PLCB4: variants seen among roughly 807,000 people sequenced by gnomAD.
PLCB4 encodes the protein phospholipase C beta 4, also known as 1-phosphatidylinositol 4,5-bisphosphate phosphodiesterase beta-4.
Under a neutral mutation model 178.8 loss-of-function variants are expected in PLCB4, and 77 were observed. The observed-to-expected ratio is 0.43, with a 90% CI of 0.36 to 0.52. The LOEUF is 0.52. Ranked by LOEUF, PLCB4 falls within the 20% of genes least tolerant of loss-of-function variation. The pLI is 0.00. For missense variants in PLCB4, 1,024 were observed against 1,453.4 expected (o/e 0.70, Z 4.80); for synonymous variants, 496 against 490.8 (o/e 1.01, Z -0.14).
At chr20:9,414,572 A>G (rs1054277606) in intron 25 of PLCB4, among the ~76,000 whole-genome samples, 1 of 152,208 alleles carries the variant, frequency 6.6e-6, no homozygotes, top group Non-Finnish European at 1.5e-5. Flanking sequence ...CCTGTTTTAT[A>G]TAGAACATCA....
chr20:9,268,664 G>A (rs1225517162), intron 3 of PLCB4, among the ~76,000 whole-genome samples: 1 of 152,112 alleles, frequency 6.6e-6, no homozygotes, highest in Non-Finnish European at 1.5e-5. Context: ...GATGTTAAGG[G>A]GGAAAGACTA....
At chr20:9,151,171 A>T (rs1162583406) in intron 2 of PLCB4, among the ~76,000 whole-genome samples, 1 of 152,234 alleles carries the variant, frequency 6.6e-6, no homozygotes, top group Non-Finnish European at 1.5e-5. Context: ...ACAAATATTT[A>T]TGTAGCATTT....
intron 2 of PLCB4, among the ~76,000 whole-genome samples, chr20:9,161,803 T>G (rs1469043997): frequency 6.6e-6 from 1 of 152,188 alleles, no homozygotes; most frequent in African/African-American, 2.4e-5. Context: ...GCTTTTTCAC[T>G]TTTTAGATTC....
chr20:9,394,059 G>T (rs1031186046), intron 18 of PLCB4, among the ~76,000 whole-genome samples: 2 of 152,080 alleles, frequency 1.3e-5, no homozygotes, highest in African/African-American at 4.8e-5. Flanking sequence ...CCTATCTAGG[G>T]ATACTAGGTA....
At chr20:9,250,388 G>A (rs1195676752) in intron 3 of PLCB4, among the ~76,000 whole-genome samples, 2 of 152,202 alleles carry the variant, frequency 1.3e-5, no homozygotes, top group African/African-American at 4.8e-5. Context: ...GCTTTTCTAT[G>A]AAGCACTCTT....
intron 3 of PLCB4, among the ~76,000 whole-genome samples, chr20:9,249,470 A>G (rs2094157992): frequency 6.6e-6 from 1 of 151,890 alleles, no homozygotes; most frequent in Non-Finnish European, 1.5e-5. Context: ...ACCATGCCCA[A>G]CTAATTTTTA....
rs559949708 is a variant in PLCB4, at chr20:9,106,066, T to C, written c.-79+9724T>C. Reference sequence around the variant, plus strand: ...TACAAACAATATGATCAACAAAGGCTGATATTTCCAAAGTATAAAGAGCTT... The same window carrying C: ...TACAAACAATATGATCAACAAAGGCCGATATTTCCAAAGTATAAAGAGCTT... On this transcript the variant is annotated intron_variant, in intron 2 of 39. Coordinates refer to ENST00000378473, the MANE Select transcript of PLCB4 (RefSeq NM_001377142.1). Among the ~76,000 whole-genome samples, 25 of 152,192 alleles carry C rather than the reference T, an allele frequency of 1.6e-4. 1 individual carries two copies. The highest frequency in any genetic ancestry group is 4.6e-4 in the African/African-American group (19 of 41,564).
intron 3 of PLCB4, among the ~76,000 whole-genome samples, chr20:9,306,286 T>C (rs1224550700): frequency 6.6e-6 from 1 of 152,052 alleles, no homozygotes; most frequent in East Asian, 1.9e-4. Context: ...TTGTATTTTT[T>C]AGTAGAGATG....
In PLCB4 at chr20:9,214,786, A is replaced by G. The variant is rs190127731; in HGVS notation, c.-78-2604A>G. On this transcript the variant is annotated intron_variant, in intron 2 of 39. Transcript: ENST00000378473. The stretch of plus-strand genomic sequence containing the variant: ...TGATATGCCAGTAGCTAAATAGTTC[A>G]TGACAAATTGCTTATACTGCTTAAC... Among the ~76,000 whole-genome samples the G allele has an allele frequency of 2.0e-3, 299 of 152,334 alleles. 1 individual carries two copies. The highest frequency in any genetic ancestry group is 3.2e-3 in the Non-Finnish European group (221 of 68,036).
In PLCB4 at chr20:9,458,443, A is replaced by G. The variant is rs111573785; in HGVS notation, c.3072+954A>G. ...GCAACAGTATCAGTTTGCTTTTGCT[A>G]TATAATGAACTGTGTCAAAGAAGAG... is the stretch of plus-strand genomic sequence containing the variant. On this transcript the variant is annotated intron_variant, in intron 34 of 39. Transcript: ENST00000378473. 1.4e-3 allele frequency among the ~76,000 whole-genome samples: 207 copies of G among 152,356 alleles called. 1 individual carries two copies. The highest frequency in any genetic ancestry group is 4.7e-3 in the African/African-American group (196 of 41,582).
chr20:9,232,324 A>G (rs1191846590), intron 3 of PLCB4, among the ~76,000 whole-genome samples: 1 of 152,156 alleles, frequency 6.6e-6, no homozygotes, highest in Non-Finnish European at 1.5e-5. Context: ...GTTTCTTGTA[A>G]TGCAAGGCAT....
chr20:9,384,203 C>A lies in PLCB4; in HGVS notation c.856C>A (p.Leu286Ile). The A allele has an allele frequency of 1.2e-6, 2 of 1,611,462 alleles. No homozygotes were observed. The highest frequency in any genetic ancestry group is 1.7e-6 in the Non-Finnish European group (2 of 1,177,626). The change falls in exon 14 of 40, where the codon CTT (leucine) becomes ATT (isoleucine). Residue 286 changes from leucine to isoleucine, a missense_variant and splice_region_variant. Around this residue, in one of 7 missense-constraint regions of PLCB4, gnomAD observed 37 missense variants for 28.6 expected, o/e 1.30. Transcript: ENST00000378473. ...EPDEDLKKKG[L>I]ISSDGFCRYL... ...CTAAGATGTTCTTTTTCCCCTAGGC[C>A]TTATATCAAGTGATGGGTTTTGCAG...
intron 7 of PLCB4, among the ~76,000 whole-genome samples, chr20:9,358,496 G>C (rs182328323): frequency 2.0e-4 from 31 of 152,276 alleles, no homozygotes; most frequent in Admixed American, 1.4e-3. Context: ...TCAAAACCTA[G>C]AGATAAGATT....
chr20:9,241,521 A>C (rs1190765297), intron 3 of PLCB4, among the ~76,000 whole-genome samples: 1 of 152,160 alleles, frequency 6.6e-6, no homozygotes, highest in Non-Finnish European at 1.5e-5. Flanking sequence ...GAAATGTGAT[A>C]ATTGTTGACC....
intron 2 of PLCB4, among the ~76,000 whole-genome samples, chr20:9,188,379 C>T (rs1268752086): frequency 6.6e-6 from 1 of 152,210 alleles, no homozygotes; most frequent in Non-Finnish European, 1.5e-5. Flanking sequence ...GCAAGGACAT[C>T]CTTCTTCAAC....
chr20:9,268,547 A>G lies in PLCB4; in HGVS notation c.-15-39253A>G, dbSNP rs532266509. Reference sequence around the variant, plus strand: ...GTGGTAGGTCATAGCCCAAGTCACAATCTTTCACTTTTAGAGTCAGTTTCA... The same window carrying G: ...GTGGTAGGTCATAGCCCAAGTCACAGTCTTTCACTTTTAGAGTCAGTTTCA... On this transcript the variant is annotated intron_variant, in intron 3 of 39. Coordinates refer to ENST00000378473, the MANE Select transcript of PLCB4 (RefSeq NM_001377142.1). Among the ~76,000 whole-genome samples the G allele has an allele frequency of 7.2e-5, 11 of 152,224 alleles. No individual in the cohort carries two copies. In the South Asian group the frequency reaches 8.3e-4, roughly 11 times the overall value.
chr20:9,370,978 AG>A, intron 9 of PLCB4: 2 of 433,610 alleles, frequency 4.6e-6, no homozygotes, highest in South Asian at 8.4e-5. Flanking sequence ...CCCAAGCACC[AG>A]GGGGACCCCT....
At chr20:9,169,447 C>T (rs140791419) in intron 2 of PLCB4, among the ~76,000 whole-genome samples, 69 of 150,948 alleles carry the variant, frequency 4.6e-4, no homozygotes, top group Admixed American at 1.9e-3. Context: ...AAAATTAGCC[C>T]GGCGTGGTGG....
intron 1 of PLCB4, among the ~76,000 whole-genome samples, chr20:9,070,913 C>T (rs2089540087): frequency 6.6e-6 from 1 of 152,160 alleles, no homozygotes; most frequent in Admixed American, 6.5e-5. Context: ...ATTTCTAACT[C>T]CATTTGATCA....
Sources: gnomAD v4.1 joint callset for allele counts (sites outside exome capture counted in the v4.1 genomes callset) on GRCh38, gnomAD v4.1.1 for gene constraint, gnomAD v4.1.1 regional missense constraint, MANE v1.5 for transcripts, NCBI Gene and HGNC (gene_info 2026-07-23, HGNC 2026-07-21) for gene names.